The following ARHGEF10L variants were observed in gnomAD, a reference collection of about 807,000 sequenced individuals.
ARHGEF10L encodes Rho guanine nucleotide exchange factor 10 like.
A neutral mutation model predicts 141.2 loss-of-function variants in ARHGEF10L; 69 were observed. The observed-to-expected ratio is 0.49, with a 90% confidence interval of 0.40 to 0.60. ARHGEF10L has a LOEUF of 0.60. Among genes scored for constraint, ARHGEF10L ranks in the 20% least tolerant of loss-of-function variants. The pLI is 0.00. For synonymous variants in ARHGEF10L, 711 were observed against 718.5 expected (o/e 0.99, Z 0.17); for missense variants, 1,482 against 1,734.3 (o/e 0.85, Z 2.58).
chr1:17,570,376 G>A (rs2077942893), intron 1 of ARHGEF10L, among the ~76,000 whole-genome samples: 1 of 152,228 alleles, frequency 6.6e-6, no homozygotes, highest in Non-Finnish European at 1.5e-5. Flanking sequence ...AGCCCTGAAG[G>A]TGAGGGCAGC....
At chr1:17,645,972 G>A (rs1209498339) in intron 21 of ARHGEF10L, among the ~76,000 whole-genome samples, 1 of 152,176 alleles carries the variant, frequency 6.6e-6, no homozygotes, top group Non-Finnish European at 1.5e-5. Context: ...TCTTATGTAG[G>A]CCTTTCCTCC....
intron 26 of ARHGEF10L, among the ~76,000 whole-genome samples, chr1:17,676,513 G>C (rs1571477760): frequency 6.6e-6 from 1 of 151,994 alleles, no homozygotes; most frequent in African/African-American, 2.4e-5. Context: ...ATGCAGGCGA[G>C]GCCTGCAGGC....
intron 27 of ARHGEF10L, 122 bp from the exon 28 acceptor site, chr1:17,695,036 C>G: frequency 1.4e-6 from 2 of 1,469,954 alleles, no homozygotes; most frequent in East Asian, 4.5e-5. Context: ...CACCCCACCG[C>G]CCAACTTCTT....
intron 1 of ARHGEF10L, among the ~76,000 whole-genome samples, chr1:17,547,065 A>G (rs1376086189): frequency 6.6e-6 from 1 of 152,198 alleles, no homozygotes; most frequent in African/African-American, 2.4e-5. Flanking sequence ...CAACCCTCCC[A>G]GGGCCTGGCC....
At chr1:17,575,039 C>A (rs2078165800) in intron 1 of ARHGEF10L, among the ~76,000 whole-genome samples, 1 of 152,198 alleles carries the variant, frequency 6.6e-6, no homozygotes, top group Non-Finnish European at 1.5e-5. Context: ...GGTCTGTGCC[C>A]TTTGGTTCCA....
the ARHGEF10L span, among the ~76,000 whole-genome samples, chr1:17,525,837 T>C: frequency 6.6e-6 from 1 of 151,760 alleles, no homozygotes; most frequent in Non-Finnish European, 1.5e-5. Context: ...ACCCCGTCTC[T>C]GCTAAAAATA....
chr1:17,643,681 C>A (rs1056825636), intron 21 of ARHGEF10L, among the ~76,000 whole-genome samples: 4 of 152,222 alleles, frequency 2.6e-5, no homozygotes, highest in African/African-American at 9.6e-5. Flanking sequence ...CACCAGAAAA[C>A]GGGGAAAATG....
chr1:17,552,658 C>T (rs2100736113), intron 1 of ARHGEF10L, among the ~76,000 whole-genome samples: 1 of 139,908 alleles, frequency 7.1e-6, no homozygotes, highest in Admixed American at 7.7e-5. Flanking sequence ...TCCTGACCTC[C>T]AGTAATCTGC....
chr1:17,594,996 C>T (rs2100795635), intron 4 of ARHGEF10L, among the ~76,000 whole-genome samples: 1 of 152,278 alleles, frequency 6.6e-6, no homozygotes, highest in African/African-American at 2.4e-5. Context: ...CTGAGATGCT[C>T]TTCAGTCCAT....
upstream of ARHGEF10L, among the ~76,000 whole-genome samples, chr1:17,538,971 G>T (rs960660436): frequency 2.6e-5 from 4 of 152,234 alleles, no homozygotes; most frequent in Non-Finnish European, 4.4e-5. Flanking sequence ...TTTCAGGAGG[G>T]AGTACCTAGT....
intron 27 of ARHGEF10L, among the ~76,000 whole-genome samples, chr1:17,692,946 C>T (rs550668941): frequency 2.4e-4 from 37 of 152,270 alleles, no homozygotes; most frequent in African/African-American, 7.5e-4. Context: ...TGGCCACCTC[C>T]GCCTTGTCAC....
At chr1:17,583,414 G>A (rs932094155) in intron 2 of ARHGEF10L, among the ~76,000 whole-genome samples, 1 of 152,056 alleles carries the variant, frequency 6.6e-6, no homozygotes, top group African/African-American at 2.4e-5. Context: ...TGTAACGATG[G>A]TGATAATAAT....
chr1:17,632,199 A>T, intron 15 of ARHGEF10L, 122 bp from the exon 16 acceptor site: 1 of 1,294,414 alleles, frequency 7.7e-7, no homozygotes, highest in East Asian at 2.3e-5. Context: ...GAGTGGCTTC[A>T]TCTCCTCCAC....
intron 21 of ARHGEF10L, 40 bp from the exon 22 acceptor site, chr1:17,648,514 A>G (rs752710433): frequency 6.2e-7 from 1 of 1,607,942 alleles, no homozygotes; most frequent in Non-Finnish European, 8.5e-7. Context: ...TGGTCCTTGG[A>G]CTCTGACCAG....
chr1:17,687,319 A>G (rs1246088648), intron 26 of ARHGEF10L, among the ~76,000 whole-genome samples: 1 of 152,180 alleles, frequency 6.6e-6, no homozygotes, highest in Non-Finnish European at 1.5e-5. Flanking sequence ...TAGAATGTTT[A>G]CACCATGGAA....
chr1:17,658,265 A>G (rs2062399019), intron 25 of ARHGEF10L, among the ~76,000 whole-genome samples: 1 of 152,244 alleles, frequency 6.6e-6, no homozygotes. Flanking sequence ...CAAGGAGGTC[A>G]TATTCTGAGG....
chr1:17,685,568 T>A (rs2102473975), intron 26 of ARHGEF10L, among the ~76,000 whole-genome samples: 1 of 152,392 alleles, frequency 6.6e-6, no homozygotes, highest in East Asian at 1.9e-4. Flanking sequence ...TGTGCAGTGC[T>A]TCTCACTATC....
the ARHGEF10L span, among the ~76,000 whole-genome samples, chr1:17,515,375 C>T: frequency 6.6e-6 from 1 of 151,498 alleles, no homozygotes; most frequent in Non-Finnish European, 1.5e-5. Context: ...CTCACTGCAA[C>T]CTCTGCCTTC....
chr1:17,676,687 G>C, intron 26 of ARHGEF10L, among the ~76,000 whole-genome samples: 1 of 151,960 alleles, frequency 6.6e-6, no homozygotes, highest in Middle Eastern at 3.2e-3. Flanking sequence ...TATCCAGGTT[G>C]CCTGTGGCCC....
Sources: gnomAD v4.1 joint callset for allele counts (sites outside exome capture counted in the v4.1 genomes callset) on GRCh38, gnomAD v4.1.1 for gene constraint, MANE v1.5 for transcripts, NCBI Gene and HGNC (gene_info 2026-07-23, HGNC 2026-07-21) for gene names.